FAF1: variants seen among roughly 807,000 people sequenced by gnomAD.
FAF1 encodes the protein Fas associated factor 1, also known as FAS-associated factor 1.
Under a neutral mutation model 92.5 loss-of-function variants are expected in FAF1, and 25 were observed. The ratio of observed to expected loss-of-function variants is 0.27; its 90% CI spans 0.20 to 0.38. The LOEUF (loss-of-function observed/expected upper bound fraction) is 0.38. Ranked by LOEUF, FAF1 falls within the 10% of genes least tolerant of loss-of-function variation. The probability of loss-of-function intolerance (pLI) is 1.00; values close to 1 mark genes in which losing one functional copy is unlikely to be tolerated. For missense variants in FAF1, 636 were observed against 793.3 expected (o/e 0.80, Z 2.38); for synonymous variants, 234 against 273.2 (o/e 0.86, Z 1.42).
chr1:50,892,714 T>C (rs1011844545), intron 1 of FAF1, among the ~76,000 whole-genome samples: 21 of 152,200 alleles, frequency 1.4e-4, no homozygotes, highest in Non-Finnish European at 2.9e-4. Flanking sequence ...TTTAATTATA[T>C]ACTAATATCT....
At chr1:50,718,131 T>C (rs934840594) in intron 6 of FAF1, among the ~76,000 whole-genome samples, 1 of 152,110 alleles carries the variant, frequency 6.6e-6, no homozygotes, top group Non-Finnish European at 1.5e-5. Flanking sequence ...GCGATTCTCC[T>C]GCTTCAGCCT....
chr1:50,649,239 G>C (rs1367324128), intron 8 of FAF1, among the ~76,000 whole-genome samples: 1 of 151,386 alleles, frequency 6.6e-6, no homozygotes, highest in Admixed American at 6.6e-5. Flanking sequence ...TGCAACCTCC[G>C]CCTTCCGGGT....
intron 2 of FAF1, among the ~76,000 whole-genome samples, chr1:50,812,204 G>A (rs997926760): frequency 2.6e-5 from 4 of 152,078 alleles, no homozygotes; most frequent in African/African-American, 4.8e-5. Context: ...AATGACCAAT[G>A]AGACATATTT....
In FAF1 at chr1:50,440,007, A is replaced by C. The variant is rs550464179; in HGVS notation, c.*1433T>G. Reference sequence around the variant, plus strand: ...TCCTGGCCAACATCCACTTCTGGGCAGAAGGAAAATGAGCAGACCTATCTC... The same window carrying C: ...TCCTGGCCAACATCCACTTCTGGGCCGAAGGAAAATGAGCAGACCTATCTC... On this transcript the variant is annotated 3_prime_UTR_variant, in exon 19 of 19. Transcript: ENST00000396153. 3.9e-5 allele frequency: 6 copies of C among 152,344 alleles called. No homozygotes were observed. Among genetic ancestry groups the C allele is most frequent in the African/African-American group, 1.4e-4 (6 of 41,578 alleles). The allele number at this position is 152,344 out of a possible 1,614,324, so 9.4% of individuals were successfully genotyped here. A position where few individuals can be genotyped will look rare whatever the true frequency, so the allele number is the denominator to read the frequency against.
intron 13 of FAF1, among the ~76,000 whole-genome samples, chr1:50,562,311 G>T (rs955006667): frequency 6.6e-6 from 1 of 152,152 alleles, no homozygotes; most frequent in Non-Finnish European, 1.5e-5. Context: ...CTTTGGATTT[G>T]TCCATGTTGG....
chr1:50,643,589 A>T (rs1436152731), intron 8 of FAF1, among the ~76,000 whole-genome samples: 9 of 151,824 alleles, frequency 5.9e-5, no homozygotes, highest in Non-Finnish European at 7.4e-5. Context: ...TTGTTCTTTT[A>T]AAAAAAATTT....
At chr1:50,474,476 T>C (rs1326043382) in intron 18 of FAF1, among the ~76,000 whole-genome samples, 1 of 152,170 alleles carries the variant, frequency 6.6e-6, no homozygotes, top group Non-Finnish European at 1.5e-5. Flanking sequence ...GAGTAAGTTC[T>C]TTAGTGGTGA....
intron 2 of FAF1, among the ~76,000 whole-genome samples, chr1:50,822,721 A>G (rs2124621776): frequency 6.6e-6 from 1 of 152,010 alleles, no homozygotes. Flanking sequence ...AGAAATGTCT[A>G]AAGGCTAGTA....
intron 16 of FAF1, among the ~76,000 whole-genome samples, chr1:50,491,254 C>G (rs533552006): frequency 2.2e-4 from 33 of 152,342 alleles, no homozygotes; most frequent in African/African-American, 7.2e-4. Context: ...GGATTCTTGG[C>G]TTATGTTACA....
chr1:50,935,492 A>G (rs1645079134), intron 1 of FAF1, among the ~76,000 whole-genome samples: 1 of 140,468 alleles, frequency 7.1e-6, no homozygotes, highest in East Asian at 2.0e-4. Flanking sequence ...TTTTTTTGAG[A>G]TGGAGTCTCA....
chr1:50,612,685 T>C (rs1652735166), intron 8 of FAF1, among the ~76,000 whole-genome samples: 1 of 152,226 alleles, frequency 6.6e-6, no homozygotes, highest in Non-Finnish European at 1.5e-5. Context: ...GACATGGACA[T>C]AGTGCTGCTG....
chr1:50,927,335 C>T (rs139223364), intron 1 of FAF1, among the ~76,000 whole-genome samples: 19 of 152,218 alleles, frequency 1.2e-4, no homozygotes, highest in African/African-American at 4.3e-4. Flanking sequence ...AATCCCAGCA[C>T]TTTGGGAGGC....
At chr1:50,900,959 G>A (rs1271883086) in intron 1 of FAF1, among the ~76,000 whole-genome samples, 1 of 151,238 alleles carries the variant, frequency 6.6e-6, no homozygotes, top group Non-Finnish European at 1.5e-5. Context: ...TCTAATAGAG[G>A]TAAAATCACT....
At chr1:50,593,745 C>A (rs1490992174) in intron 9 of FAF1, among the ~76,000 whole-genome samples, 1 of 152,062 alleles carries the variant, frequency 6.6e-6, no homozygotes, top group African/African-American at 2.4e-5. Flanking sequence ...ATGTTAAAAA[C>A]CAGAGTGGCA....
intron 2 of FAF1, among the ~76,000 whole-genome samples, chr1:50,836,730 T>C (rs563718309): frequency 6.6e-5 from 10 of 152,224 alleles, no homozygotes; most frequent in African/African-American, 2.2e-4. Flanking sequence ...TTATTATGTG[T>C]CAATTAAAAA....
chr1:50,720,246 G>A (rs995036457), intron 6 of FAF1, among the ~76,000 whole-genome samples: 8 of 152,070 alleles, frequency 5.3e-5, no homozygotes, highest in Admixed American at 5.2e-4. Flanking sequence ...TGATCCGCGT[G>A]CCTTGGCCTC....
intron 2 of FAF1, among the ~76,000 whole-genome samples, chr1:50,821,865 A>G (rs1644046203): frequency 6.6e-6 from 1 of 152,094 alleles, no homozygotes; most frequent in Non-Finnish European, 1.5e-5. Context: ...AAAACACTAT[A>G]AAGAAGTAGA....
intron 7 of FAF1, among the ~76,000 whole-genome samples, chr1:50,683,797 T>C (rs983590952): frequency 6.6e-6 from 1 of 151,846 alleles, no homozygotes. Flanking sequence ...CCGGGTGTGG[T>C]GGCACGTGCC....
intron 8 of FAF1, among the ~76,000 whole-genome samples, chr1:50,602,147 G>A (rs72690473): frequency 0.023 from 3,427 of 152,286 alleles, 53 homozygotes; most frequent in Middle Eastern, 0.092. Flanking sequence ...ACAAGTGAAC[G>A]AGATTCAAAC....
Sources: allele counts gnomAD v4.1 joint callset (sites outside exome capture counted in the v4.1 genomes callset), GRCh38; gene constraint gnomAD v4.1.1; transcripts MANE v1.5; gene names NCBI Gene and HGNC (gene_info 2026-07-23, HGNC 2026-07-21).